Variants in METTL4 observed in about 807,000 individuals in gnomAD.
METTL4 encodes methyltransferase 4, N6-adenosine.
In METTL4, 40 loss-of-function variants were observed where a neutral mutation model predicts 54.0. The ratio of observed to expected loss-of-function variants is 0.74; its 90% CI spans 0.58 to 0.96. The LOEUF (loss-of-function observed/expected upper bound fraction) is 0.96. Among genes scored for constraint, METTL4 ranks in the 50% least tolerant of loss-of-function variants. The pLI, the probability that METTL4 is intolerant of heterozygous loss-of-function variation, is 0.00. For synonymous variants in METTL4, 169 were observed against 183.8 expected (o/e 0.92, Z 0.65); for missense variants, 525 against 549.0 (o/e 0.96, Z 0.44).
chr18:2,565,951 G>T (rs541368038), intron 2 of METTL4, among the ~76,000 whole-genome samples: 1 of 152,012 alleles, frequency 6.6e-6, no homozygotes, highest in South Asian at 2.1e-4. Flanking sequence ...GGAGGCTGAG[G>T]CAGGAGAATG....
At chr18:2,559,684 T>A (rs966813796) in intron 3 of METTL4, among the ~76,000 whole-genome samples, 5 of 152,214 alleles carry the variant, frequency 3.3e-5, no homozygotes, top group Non-Finnish European at 7.3e-5. Flanking sequence ...TAAGATAACA[T>A]GACTTCATGC....
At chr18:2,565,614 C>A (rs1282763852) in intron 2 of METTL4, among the ~76,000 whole-genome samples, 1 of 152,076 alleles carries the variant, frequency 6.6e-6, no homozygotes, top group African/African-American at 2.4e-5. Context: ...TATTCTAATT[C>A]TCAACAAACT....
chr18:2,560,598 C>A (rs1191254666), intron 3 of METTL4, among the ~76,000 whole-genome samples: 4 of 152,144 alleles, frequency 2.6e-5, no homozygotes, highest in African/African-American at 9.7e-5. Flanking sequence ...CCAGTAGAGG[C>A]CGGGCGCAGT....
rs183412054 is a variant in METTL4, at chr18:2,547,184, A to T, written c.1074+171T>A. ...CCATTACAAAAAGACATACAAAAAAAATATAGCCTTGAGAATAAAAATATA... is the reference window on the plus strand; with the variant it reads ...CCATTACAAAAAGACATACAAAAAATATATAGCCTTGAGAATAAAAATATA... On this transcript the variant is annotated intron_variant, in intron 6 of 8. Transcript: ENST00000574538. 2.3e-3 allele frequency among the ~76,000 whole-genome samples: 351 copies of T among 152,320 alleles called. 1 individual carries two copies. Among genetic ancestry groups the T allele is most frequent in the African/African-American group, 7.3e-3 (305 of 41,572 alleles).
intron 8 of METTL4, chr18:2,540,624 G>A: frequency 1.0e-6 from 1 of 985,328 alleles, no homozygotes; most frequent in Non-Finnish European, 1.2e-6. Flanking sequence ...TGGCACGAAG[G>A]CTTCTAACCC....
At position 2,564,741 on chromosome 18, in the gene METTL4, G is replaced by T. The variant is rs146781822; in HGVS notation, c.397-882C>A. 2.8e-3 allele frequency among the ~76,000 whole-genome samples: 433 copies of T among 152,220 alleles called. 4 individuals are homozygous for T. The highest frequency in any genetic ancestry group is 9.8e-3 in the African/African-American group (407 of 41,536). ...ATAATTTGCTTTAGCATATCAGAAG[G>T]TGTCATCAAGATTACATTTATTACA... On this transcript the variant is annotated intron_variant, in intron 2 of 8. Transcript: ENST00000574538.
At chr18:2,540,477 C>T (rs746946607) in intron 8 of METTL4, 3 of 984,732 alleles carry the variant, frequency 3.0e-6, no homozygotes, top group Non-Finnish European at 3.6e-6. Flanking sequence ...TCTTCAGTTG[C>T]TCTCACAGCA....
At chr18:2,551,418 T>C (rs1205959678) in intron 5 of METTL4, among the ~76,000 whole-genome samples, 2 of 151,912 alleles carry the variant, frequency 1.3e-5, no homozygotes, top group African/African-American at 4.8e-5. Flanking sequence ...AAGAAACAAA[T>C]CTGGCCAGGC....
Position 2,571,302 on chromosome 18 carries a change from T to A in METTL4, c.-592A>T, listed in dbSNP as rs993373233. The A allele has an allele frequency of 6.6e-6, 1 of 152,300 alleles. No homozygotes were observed. Among genetic ancestry groups the A allele is most frequent in the Non-Finnish European group, 1.5e-5 (1 of 68,084 alleles). The allele number at this position is 152,300 out of a possible 1,614,324, so 9.4% of individuals were successfully genotyped here. A position where few individuals can be genotyped will look rare whatever the true frequency, so the allele number is the denominator to read the frequency against. ...GAGTCCATGGGCGCCGCCATGTTGCTGTACGGAAAAACGTTTCCAGGGCGA... is the reference window on the plus strand; with the variant it reads ...GAGTCCATGGGCGCCGCCATGTTGCAGTACGGAAAAACGTTTCCAGGGCGA... On this transcript the variant is annotated 5_prime_UTR_variant, in exon 1 of 9. Transcript: ENST00000574538.
At chr18:2,568,778 A>G in intron 1 of METTL4, 1 of 166,146 alleles carries the variant, frequency 6.0e-6, no homozygotes, top group Non-Finnish European at 1.3e-5. Flanking sequence ...AGGGAGTATG[A>G]GATGGCACAG....
intron 8 of METTL4, 92 bp from the exon 9 acceptor site, chr18:2,539,237 C>A: frequency 9.7e-7 from 1 of 1,032,210 alleles, no homozygotes; most frequent in Middle Eastern, 2.1e-4. Context: ...AGAAATATTT[C>A]ATTTTGTTCT....
chr18:2,539,198 T>A, intron 8 of METTL4, 53 bp from the exon 9 acceptor site: 1 of 1,423,768 alleles, frequency 7.0e-7, no homozygotes, highest in South Asian at 1.2e-5. Flanking sequence ...AGGAATCCAC[T>A]TCCTTTTAGC....
Position 2,566,046 on chromosome 18 carries a change from C to CAAAA in METTL4, c.396+774_396+775insTTTT, listed in dbSNP as rs143395336. On this transcript the variant is annotated intron_variant, in intron 2 of 8. Coordinates refer to ENST00000574538, the MANE Select transcript of METTL4 (RefSeq NM_022840.5). ...TGGGTGACAGAGCAAGACTCTGTCT[C>CAAAA]AAATAAATAAATAAATAAATAAATA... 2.5e-4 allele frequency among the ~76,000 whole-genome samples: 21 copies of CAAAA among 82,872 alleles called. 2 individuals are homozygous for CAAAA. The highest frequency in any genetic ancestry group is 1.0e-3 in the African/African-American group (18 of 17,772). 54.4% of individuals were successfully genotyped at this position (82,872 alleles called of 152,430 possible). A position where few individuals can be genotyped will look rare whatever the true frequency, so the allele number is the denominator to read the frequency against.
At chr18:2,550,945 A>G (rs1047911853) in intron 5 of METTL4, among the ~76,000 whole-genome samples, 2 of 151,934 alleles carry the variant, frequency 1.3e-5, no homozygotes, top group Admixed American at 6.6e-5. Flanking sequence ...CGGGCGGATC[A>G]CGAGGTCAGG....
At chr18:2,565,447 C>G (rs2072392743) in intron 2 of METTL4, among the ~76,000 whole-genome samples, 1 of 151,762 alleles carries the variant, frequency 6.6e-6, no homozygotes, top group African/African-American at 2.4e-5. Flanking sequence ...ACAACAAAAC[C>G]CCATGACACA....
At chr18:2,569,349 G>A (rs2677896) in intron 1 of METTL4, among the ~76,000 whole-genome samples, 53,635 of 152,062 alleles carry the variant, frequency 0.35, 9,925 homozygotes, top group African/African-American at 0.42. Flanking sequence ...TCAAGCGACA[G>A]GATCAAGCAA....
rs181415757 is a variant in METTL4 at position 2,569,274 on chromosome 18, T to C, written c.-438-1620A>G. On this transcript the variant is annotated intron_variant, in intron 1 of 8. Transcript: ENST00000574538. ...TCAAAAGAAATGTATCTTAAGATAC[T>C]GTGAATGATACTAACTTTTTTGTCC... is the stretch of plus-strand genomic sequence containing the variant. Among the ~76,000 whole-genome samples, 946 of 151,548 alleles carry C rather than the reference T, an allele frequency of 6.2e-3. 10 individuals carry two copies. Among genetic ancestry groups the C allele is most frequent in the African/African-American group, 0.022 (898 of 41,068 alleles).
intron 5 of METTL4, among the ~76,000 whole-genome samples, chr18:2,550,748 G>C (rs1474308967): frequency 6.6e-6 from 1 of 152,226 alleles, no homozygotes; most frequent in Non-Finnish European, 1.5e-5. Flanking sequence ...AGAGTCAAAA[G>C]ATACTGAAGA....
rs1330752084 is a variant in METTL4 at position 2,571,462 on chromosome 18, G to C, written c.-752C>G. Reference sequence around the variant, plus strand: ...CCAGTTCCTGGGGTGACGCAGCTGGGCGCGACCAGCACGCAGCCTTCCAGC... The same window carrying C: ...CCAGTTCCTGGGGTGACGCAGCTGGCCGCGACCAGCACGCAGCCTTCCAGC... On this transcript the variant is annotated 5_prime_UTR_variant, in exon 1 of 9. Coordinates refer to ENST00000574538, the MANE Select transcript of METTL4 (RefSeq NM_022840.5). 2.6e-5 allele frequency: 4 copies of C among 152,364 alleles called. No homozygotes were observed. Among genetic ancestry groups the C allele is most frequent in the South Asian group, 2.1e-4 (1 of 4,826 alleles). 9.4% of individuals were successfully genotyped at this position (152,364 alleles called of 1,614,324 possible). A position where few individuals can be genotyped will look rare whatever the true frequency, so the allele number is the denominator to read the frequency against.
Sources: allele counts gnomAD v4.1 joint callset (sites outside exome capture counted in the v4.1 genomes callset), GRCh38; gene constraint gnomAD v4.1.1; transcripts MANE v1.5; gene names NCBI Gene and HGNC (gene_info 2026-07-23, HGNC 2026-07-21).